HUWE1: variants seen among roughly 807,000 people sequenced by gnomAD.
HUWE1 encodes the protein E3 ubiquitin-protein ligase HUWE1.
Under a neutral mutation model 299.4 loss-of-function variants are expected in HUWE1, and 18 were observed. The observed-to-expected ratio is 0.06, with a 90% CI of 0.04 to 0.09. The LOEUF (loss-of-function observed/expected upper bound fraction) is 0.09. Ranked by LOEUF, HUWE1 falls within the 10% of genes least tolerant of loss-of-function variation. The pLI, the probability that HUWE1 is intolerant of heterozygous loss-of-function variation, is 1.00. For missense variants in HUWE1, 1,832 were observed against 3,462.3 expected (o/e 0.53, Z 11.82); for synonymous variants, 1,317 against 1,286.1 (o/e 1.02, Z -0.51).
intron 72 of HUWE1, 117 bp from the exon 73 acceptor site, chrX:53,544,085 T>A: frequency 3.1e-6 from 2 of 650,494 alleles, no homozygotes; most frequent in Non-Finnish European, 4.8e-6. Flanking sequence ...CTTTTGAGCT[T>A]TAGCTCAGGA....
In HUWE1 at chrX:53,607,645, C is replaced by T; in HGVS notation, c.2374G>A (p.Glu792Lys). Residue 792 changes from glutamate to lysine, a missense_variant, in exon 25 of 84, where the codon GAA (glutamate) becomes AAA (lysine). Coordinates refer to ENST00000262854, the MANE Select transcript of HUWE1 (RefSeq NM_031407.7). ...SNNTTDDHCQEFVNQKGLLPL... is the reference protein window; with the variant it reads ...SNNTTDDHCQKFVNQKGLLPL... Reference sequence around the variant, plus strand: ...AACAGTCCTTTCTGATTCACAAATTCCTGGCAGTGGTCATCTGTTGTATTG... The same window carrying T: ...AACAGTCCTTTCTGATTCACAAATTTCTGGCAGTGGTCATCTGTTGTATTG... 1 of 1,208,231 alleles carries T rather than the reference C, an allele frequency of 8.3e-7. No individual in the cohort carries two copies. The highest frequency in any genetic ancestry group is 1.1e-6 in the Non-Finnish European group (1 of 892,421).
intron 31 of HUWE1, among the ~76,000 whole-genome samples, chrX:53,593,839 C>T (rs968083886): frequency 8.9e-6 from 1 of 112,274 alleles, no homozygotes; most frequent in Non-Finnish European, 1.9e-5. Context: ...TGGCTCACGC[C>T]TGTAATCCCA....
chrX:53,630,233 G>A (rs1440146638), intron 12 of HUWE1, among the ~76,000 whole-genome samples: 1 of 112,137 alleles, frequency 8.9e-6, no homozygotes, highest in Admixed American at 9.4e-5. Context: ...ACATAAAAGA[G>A]CAAGAATTTC....
intron 4 of HUWE1, among the ~76,000 whole-genome samples, chrX:53,649,130 G>A (rs1197510928): frequency 8.9e-6 from 1 of 112,022 alleles, no homozygotes; most frequent in Non-Finnish European, 1.9e-5. Context: ...AACAAGTCTG[G>A]ATTCACTTTT....
intron 18 of HUWE1, 119 bp downstream of exon 18, chrX:53,625,038 A>G: frequency 1.9e-6 from 1 of 525,146 alleles, no homozygotes; most frequent in Non-Finnish European, 3.4e-6. Context: ...GCTATTGAAA[A>G]TGGCATGGCC....
At chrX:53,629,824 C>G (rs1174677458) in intron 12 of HUWE1, among the ~76,000 whole-genome samples, 2 of 112,157 alleles carry the variant, frequency 1.8e-5, no homozygotes, top group African/African-American at 6.5e-5. Context: ...ACAGATTCCA[C>G]TACTAAAGGT....
At position 53,600,285 on chromosome X, in the gene HUWE1, C is replaced by T; in HGVS notation, c.2996G>A (p.Gly999Glu). ...GCCCTGGGTAGAAGCATCCATACTT[C>T]CAGCTGCTCCATCCTGTTCCCCATC... Reference protein sequence around the residue: ...RSDGEQDGAAGSMDASTQGLL... With the variant: ...RSDGEQDGAAESMDASTQGLL... Residue 999 changes from glycine (G) to glutamate (E), a missense_variant, in exon 29 of 84, where the codon GGA becomes GAA. Gly to Glu is a moderately conservative substitution (Grantham distance 98, BLOSUM62 -2). This residue lies in a region of HUWE1 where 658 missense variants were observed against 1,282.6 expected (regional missense o/e 0.51). Coordinates refer to ENST00000262854, the MANE Select transcript of HUWE1 (RefSeq NM_031407.7). 8.3e-7 allele frequency: 1 copy of T among 1,207,302 alleles called. No individual in the cohort carries two copies. The highest frequency in any genetic ancestry group is 1.1e-6 in the Non-Finnish European group (1 of 892,284).
chrX:53,576,753 A>C, intron 44 of HUWE1, 147 bp downstream of exon 44: 1 of 563,287 alleles, frequency 1.8e-6, no homozygotes, highest in East Asian at 3.4e-5. Context: ...GCTTCTTCAC[A>C]GACATGCAAT....
At position 53,573,787 on chromosome X, in the gene HUWE1, T is replaced by C. The variant is rs782617925; in HGVS notation, c.6275A>G (p.Tyr2092Cys). ...YVGIATLIAN[Y>C]SYTVGQSELI... ...TTCAGACTGGCCCACAGTGTAGCTG[T>C]AGTTGGCAATCAGGGTAGCAATACC... Residue 2092 changes from tyrosine to cysteine, a missense_variant, in exon 47 of 84, where the codon TAC becomes TGC. Around this residue, in one of 15 missense-constraint regions of HUWE1, gnomAD observed 157 missense variants for 252.3 expected, o/e 0.62. Coordinates refer to ENST00000262854, the MANE Select transcript of HUWE1 (RefSeq NM_031407.7). 1.7e-6 allele frequency: 2 copies of C among 1,210,657 alleles called. No homozygotes were observed. Among genetic ancestry groups the C allele is most frequent in the Non-Finnish European group, 2.2e-6 (2 of 894,306 alleles).
chrX:53,625,111 G>T, intron 18 of HUWE1, 46 bp downstream of exon 18: 2 of 826,650 alleles, frequency 2.4e-6, no homozygotes, highest in South Asian at 2.0e-5. Flanking sequence ...ACCAATCTTT[G>T]AGAGAGTAAA....
chrX:53,622,857 C>T (rs782433501), intron 19 of HUWE1, among the ~76,000 whole-genome samples: 86 of 112,276 alleles, frequency 7.7e-4, no homozygotes, highest in Admixed American at 1.8e-3. Flanking sequence ...TGGGCCATCT[C>T]CTTCCACCTG....
At chrX:53,558,582 T>C (rs782812722) in intron 59 of HUWE1, 73 bp downstream of exon 59, 270 of 998,981 alleles carry the variant, frequency 2.7e-4, no homozygotes, top group Non-Finnish European at 3.5e-4. Context: ...TGATTCCTGG[T>C]GCCATGTGTA....
intron 58 of HUWE1, 26 bp downstream of exon 58, chrX:53,558,945 G>A: frequency 8.5e-7 from 1 of 1,182,433 alleles, no homozygotes; most frequent in Non-Finnish European, 1.1e-6. Context: ...GCTCACTATT[G>A]CCCTGATAAC....
intron 78 of HUWE1, among the ~76,000 whole-genome samples, 193 bp from the exon 79 acceptor site, chrX:53,536,860 G>A (rs1170239911): frequency 1.8e-5 from 2 of 112,015 alleles, no homozygotes; most frequent in African/African-American, 6.5e-5. Flanking sequence ...ACTGACAGAG[G>A]AGATGTCCCA....
chrX:53,611,282 T>C (rs2065452419), intron 23 of HUWE1, among the ~76,000 whole-genome samples: 3 of 107,196 alleles, frequency 2.8e-5, no homozygotes, highest in African/African-American at 1.0e-4. Flanking sequence ...ATAATCACTA[T>C]ACAATTATCA....
In HUWE1 at chrX:53,580,903, G is replaced by A; in HGVS notation, c.5644C>T (p.Pro1882Ser). The A allele has an allele frequency of 8.3e-7, 1 of 1,211,495 alleles. No individual in the cohort carries two copies. The highest frequency in any genetic ancestry group is 1.1e-6 in the Non-Finnish European group (1 of 895,357). The change falls in exon 43 of 84, where the codon CCA becomes TCA. Residue 1882 changes from proline to serine, a missense_variant. By Grantham distance (74) the Pro-to-Ser change is moderately conservative. Transcript: ENST00000262854. ...RVLGPAACRNPDIFTEVANCC... is the reference protein window; with the variant it reads ...RVLGPAACRNSDIFTEVANCC... ...TTGGCCACTTCTGTGAATATGTCTG[G>A]ATTGCGGCATGCGGCTGGCCCAAGG...
At chrX:53,554,574 C>T (rs1209028432) in intron 61 of HUWE1, 59 bp downstream of exon 61, 20 of 1,122,037 alleles carry the variant, frequency 1.8e-5, no homozygotes, top group Non-Finnish European at 2.2e-5. Context: ...AGAGAAGCTA[C>T]AAAGACATCC....
At chrX:53,603,619 CAG>C (rs2065000264) in intron 26 of HUWE1, 118 bp from the exon 27 acceptor site, 4 of 623,466 alleles carry the variant, frequency 6.4e-6, no homozygotes, top group Non-Finnish European at 1.0e-5. Context: ...TTGCTATTCT[CAG>C]AGTTATCCAC....
rs782023938 is a variant in HUWE1, at chrX:53,547,660, C to T, written c.10636+13G>A. On this transcript the variant is annotated intron_variant, in intron 68 of 83. Coordinates refer to ENST00000262854, the MANE Select transcript of HUWE1 (RefSeq NM_031407.7). ...TATATACCCCACAGCTCCCAGTCTACATCCACACTTACTTGAAACAGTAGT... is the reference window on the plus strand; with the variant it reads ...TATATACCCCACAGCTCCCAGTCTATATCCACACTTACTTGAAACAGTAGT... The T allele has an allele frequency of 4.1e-6, 5 of 1,210,119 alleles. No individual in the cohort carries two copies. The highest frequency in any genetic ancestry group is 4.5e-6 in the Non-Finnish European group (4 of 894,744).
Sources: gnomAD v4.1 joint callset for allele counts (sites outside exome capture counted in the v4.1 genomes callset) on GRCh38, gnomAD v4.1.1 for gene constraint, gnomAD v4.1.1 regional missense constraint, MANE v1.5 for transcripts, NCBI Gene and HGNC (gene_info 2026-07-23, HGNC 2026-07-21) for gene names.